The following ZNF787 variants were observed in gnomAD, a reference collection of about 807,000 sequenced individuals.
The protein encoded by ZNF787 is zinc finger protein 787.
Under a neutral mutation model 16.9 loss-of-function variants are expected in ZNF787, and 7 were observed. The observed-to-expected ratio is 0.42, with a 90% CI of 0.24 to 0.78. ZNF787 has a LOEUF of 0.78. Among genes scored for constraint, ZNF787 ranks in the 30% least tolerant of loss-of-function variants. The pLI is 0.30. For synonymous variants in ZNF787, 345 were observed against 270.9 expected, an observed-to-expected ratio of 1.27 and a Z score of -2.69; for missense variants, 551 against 589.3, an observed-to-expected ratio of 0.94 and a Z score of 0.67.
At chr19:56,109,849 A>C (rs1268027031) in intron 1 of ZNF787, among the ~76,000 whole-genome samples, 1 of 152,000 alleles carries the variant, frequency 6.6e-6, no homozygotes, top group Non-Finnish European at 1.5e-5. Flanking sequence ...ACGCCACTGC[A>C]CTCCAGCCTG....
In ZNF787 at chr19:56,087,903, C is replaced by A. The variant is rs941458105; in HGVS notation, c.*120G>T. The A allele has an allele frequency of 4.6e-5, 58 of 1,272,780 alleles. No individual in the cohort carries two copies. Among genetic ancestry groups the A allele is most frequent in the Non-Finnish European group, 5.6e-5 (57 of 1,009,414 alleles). The allele number at this position is 1,272,780 out of a possible 1,614,324, so 78.8% of individuals were successfully genotyped here. A position where few individuals can be genotyped will look rare whatever the true frequency, so the allele number is the denominator to read the frequency against. On this transcript the variant is annotated 3_prime_UTR_variant, in exon 3 of 3. Coordinates refer to ENST00000610935, the MANE Select transcript of ZNF787 (RefSeq NM_001002836.4). Reference sequence around the variant, plus strand: ...GCAGGGACAGAGGAGGGCGGGGAGCCGGGGATGCCGCGGGGTCCATCGCAC... The same window carrying A: ...GCAGGGACAGAGGAGGGCGGGGAGCAGGGGATGCCGCGGGGTCCATCGCAC...
intron 1 of ZNF787, among the ~76,000 whole-genome samples, chr19:56,112,119 GGA>G (rs1491264088): frequency 6.6e-6 from 1 of 152,156 alleles, no homozygotes; most frequent in African/African-American, 2.4e-5. Context: ...GTGAACGATG[GGA>G]GAGGCGGGGG....
intron 2 of ZNF787, among the ~76,000 whole-genome samples, chr19:56,095,870 G>A (rs10413653): frequency 0.017 from 2,551 of 152,192 alleles, 70 homozygotes; most frequent in African/African-American, 0.058. Context: ...GCTGTCTGTG[G>A]CTCTCCTCTG....
chr19:56,090,510 A>G (rs1985533487), intron 2 of ZNF787, among the ~76,000 whole-genome samples: 2 of 152,294 alleles, frequency 1.3e-5, no homozygotes, highest in East Asian at 1.9e-4. Context: ...CATCGGCGCC[A>G]CAGAGAACAT....
At chr19:56,112,753 T>C (rs2030017712) in intron 1 of ZNF787, among the ~76,000 whole-genome samples, 1 of 151,822 alleles carries the variant, frequency 6.6e-6, no homozygotes, top group Non-Finnish European at 1.5e-5. Context: ...CCTCTCTGAC[T>C]TTTCACCAAA....
intron 1 of ZNF787, among the ~76,000 whole-genome samples, chr19:56,108,974 G>A (rs192165056): frequency 2.0e-5 from 3 of 152,194 alleles, no homozygotes; most frequent in Admixed American, 1.3e-4. Context: ...GTGAGGTTCC[G>A]AATGGGGAAA....
chr19:56,088,502 C>T lies in ZNF787; in HGVS notation c.670G>A (p.Glu224Lys), dbSNP rs543514561. The change falls in exon 3 of 3, where the codon GAA (glutamate) becomes AAA (lysine). Residue 224 changes from glutamate (E) to lysine (K), a missense_variant. Coordinates refer to ENST00000610935, the MANE Select transcript of ZNF787 (RefSeq NM_001002836.4). The surrounding 1 kb of genome is among the most constrained non-coding windows in gnomAD (Gnocchi z 8.6). ...TCGCCGTCCGCCGCCACCGCCTCTT[C>T]GGGCCCCTTGGCCCGCCGGACGCTA... ...AASVRRAKGP[E>K]EAVAADGEIA... 106 of 1,403,976 alleles carry T rather than the reference C, an allele frequency of 7.5e-5. No individual in the cohort carries two copies. The African/African-American group carries it at 1.4e-3, about 19-fold the overall frequency. 87.0% of individuals were successfully genotyped at this position (1,403,976 alleles called of 1,614,324 possible). A position where few individuals can be genotyped will look rare whatever the true frequency, so the allele number is the denominator to read the frequency against.
At chr19:56,098,087 A>G (rs981068687) in intron 2 of ZNF787, among the ~76,000 whole-genome samples, 3 of 151,826 alleles carry the variant, frequency 2.0e-5, no homozygotes, top group Admixed American at 1.3e-4. Flanking sequence ...TGGGTGAAGG[A>G]GCCTGGGGCC....
At chr19:56,089,147 CTG>C in intron 2 of ZNF787, 55 bp from the exon 3 acceptor site, 1 of 1,328,426 alleles carries the variant, frequency 7.5e-7, no homozygotes, top group East Asian at 2.7e-5. Flanking sequence ...GGCTCCACGC[CTG>C]CCTTGGCTGC....
intron 2 of ZNF787, among the ~76,000 whole-genome samples, chr19:56,095,336 ATCT>A (rs1985831310): frequency 6.6e-6 from 1 of 152,076 alleles, no homozygotes; most frequent in Admixed American, 6.5e-5. Flanking sequence ...AATGATCTTG[ATCT>A]TGTTGGGATG....
intron 2 of ZNF787, among the ~76,000 whole-genome samples, chr19:56,094,765 C>T (rs114616482): frequency 0.015 from 2,354 of 152,106 alleles, 63 homozygotes; most frequent in African/African-American, 0.053. Flanking sequence ...GGGGAGGTAG[C>T]AGGGGATGGT....
At chr19:56,092,031 GAAGCC>G (rs1219571821) in intron 2 of ZNF787, among the ~76,000 whole-genome samples, 2 of 150,186 alleles carry the variant, frequency 1.3e-5, no homozygotes, top group Non-Finnish European at 2.9e-5. Flanking sequence ...AGCCGAAGCC[GAAGCC>G]GAAGCCGAAG....
intron 1 of ZNF787, among the ~76,000 whole-genome samples, chr19:56,112,868 G>C (rs1395281884): frequency 1.3e-5 from 2 of 151,368 alleles, no homozygotes; most frequent in African/African-American, 4.9e-5. Context: ...GGGGTGCCCA[G>C]ACCAGCCGTT....
chr19:56,103,510 G>A, intron 1 of ZNF787: 1 of 398,196 alleles, frequency 2.5e-6, no homozygotes, highest in Admixed American at 4.3e-5. Flanking sequence ...CCACTCCCCA[G>A]CTGGACCTGG....
chr19:56,092,801 T>C (rs73934666), intron 2 of ZNF787, among the ~76,000 whole-genome samples: 4,047 of 150,604 alleles, frequency 0.027, 181 homozygotes, highest in African/African-American at 0.094. Flanking sequence ...GGATACCCCA[T>C]AGACGCAGGG....
intron 2 of ZNF787, among the ~76,000 whole-genome samples, chr19:56,092,715 C>G (rs541006056): frequency 1.3e-5 from 2 of 152,206 alleles, no homozygotes; most frequent in South Asian, 4.1e-4. Context: ...CAGGGGATGG[C>G]GGGAGTGGGA....
At position 56,087,764 on chromosome 19, in the gene ZNF787, T is replaced by C. The variant is rs562633825; in HGVS notation, c.*259A>G. 5 of 431,936 alleles carry C rather than the reference T, an allele frequency of 1.2e-5. No individual in the cohort carries two copies. Among genetic ancestry groups the C allele is most frequent in the African/African-American group, 2.1e-5 (1 of 47,558 alleles). 26.8% of individuals were successfully genotyped at this position (431,936 alleles called of 1,614,324 possible). A position where few individuals can be genotyped will look rare whatever the true frequency, so the allele number is the denominator to read the frequency against. On this transcript the variant is annotated 3_prime_UTR_variant, in exon 3 of 3. Coordinates refer to ENST00000610935, the MANE Select transcript of ZNF787 (RefSeq NM_001002836.4). ...GGCCTCTGCAGTTCTCTCCATTGTC[T>C]CTCCGGCTCGCAGGCCGATAACTTA...
intron 1 of ZNF787, among the ~76,000 whole-genome samples, chr19:56,115,532 G>A (rs988445392): frequency 1.3e-5 from 2 of 151,928 alleles, no homozygotes; most frequent in African/African-American, 4.8e-5. Flanking sequence ...CTAACTTTTT[G>A]TATTTTCAGT....
In ZNF787 at chr19:56,089,120, G is replaced by C. The variant is rs376402578; in HGVS notation, c.80-28C>G. ...GGAAAGCAAGAGGGTAGGGGGAGGT[G>C]AGTCAAGAGAGGCAAGGGCTCCACG... On this transcript the variant is annotated intron_variant, in intron 2 of 2. Coordinates refer to ENST00000610935, the MANE Select transcript of ZNF787 (RefSeq NM_001002836.4). The C allele has an allele frequency of 1.5e-5, 22 of 1,425,940 alleles. No homozygotes were observed. The Middle Eastern group carries it at 6.8e-4, about 44-fold the overall frequency. 88.3% of individuals were successfully genotyped at this position (1,425,940 alleles called of 1,614,324 possible).
Sources: gnomAD v4.1 joint callset for allele counts (sites outside exome capture counted in the v4.1 genomes callset) on GRCh38, gnomAD v4.1.1 for gene constraint, Gnocchi (gnomAD v3.1) non-coding constraint, MANE v1.5 for transcripts, NCBI Gene and HGNC (gene_info 2026-07-23, HGNC 2026-07-21) for gene names.